The following EPS8 variants were observed in gnomAD, a reference collection of about 807,000 sequenced individuals.
EPS8 encodes EGFR pathway substrate 8, signaling adaptor.
In EPS8, 42 loss-of-function variants were observed where a neutral mutation model predicts 103.8. The observed-to-expected ratio is 0.40, with a 90% confidence interval of 0.32 to 0.52. The LOEUF (loss-of-function observed/expected upper bound fraction) is 0.52. Among genes scored for constraint, EPS8 ranks in the 20% least tolerant of loss-of-function variants. EPS8 has a pLI of 0.40. For missense variants in EPS8, 969 were observed against 1,005.1 expected (o/e 0.96, Z 0.49); for synonymous variants, 344 against 344.6 (o/e 1.00, Z 0.02).
At chr12:15,665,417 C>T (rs551135112) in intron 8 of EPS8, 18 of 235,070 alleles carry the variant, frequency 7.7e-5, no homozygotes, top group Admixed American at 2.9e-4. Flanking sequence ...CTGCAACCTC[C>T]GCCTCCCGGT....
chr12:15,728,521 C>T lies in EPS8; in HGVS notation c.-21-45549G>A, dbSNP rs1184882803. Among the ~76,000 whole-genome samples, 1 of 152,162 alleles carries T rather than the reference C, an allele frequency of 6.6e-6. No individual in the cohort carries two copies. Among genetic ancestry groups the T allele is most frequent in the Non-Finnish European group, 1.5e-5 (1 of 68,020 alleles). On this transcript the variant is annotated intron_variant, in intron 1 of 20. Transcript: ENST00000281172. The surrounding 1 kb of genome is among the most constrained non-coding windows in gnomAD (Gnocchi z 4.5). Reference sequence around the variant, plus strand: ...CAGCAACAATAATAAGGAACACTCTCCCGGGTGCTGAGTCATTAATAGAAT... The same window carrying T: ...CAGCAACAATAATAAGGAACACTCTTCCGGGTGCTGAGTCATTAATAGAAT...
chr12:15,687,875 C>T (rs1308953038), intron 1 of EPS8, among the ~76,000 whole-genome samples: 2 of 152,130 alleles, frequency 1.3e-5, no homozygotes, highest in African/African-American at 2.4e-5. Flanking sequence ...GGAAACTATG[C>T]TAATTTTAAA....
Position 15,624,257 on chromosome 12 carries a change from G to T in EPS8, c.2195C>A (p.Thr732Lys). 6.2e-7 allele frequency: 1 copy of T among 1,613,674 alleles called. No individual in the cohort carries two copies. The change falls in exon 19 of 21, where the codon ACG (threonine) becomes AAG (lysine). Residue 732 changes from threonine to lysine, a missense_variant. Transcript: ENST00000281172. Reference protein sequence around the residue: ...TYDSTPEDVKTWLQSKGFNPV... With the variant: ...TYDSTPEDVKKWLQSKGFNPV... The stretch of plus-strand genomic sequence containing the variant: ...GTTGAATCCCTTTGACTGTAACCAC[G>T]TCTTCACATCCTCTGGTGTGGAGTC...
At chr12:15,788,232 A>G (rs1349427984) in intron 1 of EPS8, among the ~76,000 whole-genome samples, 3 of 152,212 alleles carry the variant, frequency 2.0e-5, no homozygotes, top group African/African-American at 7.2e-5. Context: ...TCCCCTTACT[A>G]TCTAAGGCAA....
At position 15,767,313 on chromosome 12, in the gene EPS8, A is replaced by G. The variant is rs929616637; in HGVS notation, c.-22+21848T>C. On this transcript the variant is annotated intron_variant, in intron 1 of 20. Transcript: ENST00000281172. This position sits in a 1 kb window ranked among gnomAD's most constrained non-coding sequence, Gnocchi z 5.5. The stretch of plus-strand genomic sequence containing the variant: ...TCACAAATTATTTCTACAGAAGCAG[A>G]CTAGTTCTACTAAGGTCTAGTAACT... Among the ~76,000 whole-genome samples the G allele has an allele frequency of 1.3e-5, 2 of 152,234 alleles. No homozygotes were observed. The highest frequency in any genetic ancestry group is 4.8e-5 in the African/African-American group (2 of 41,452).
chr12:15,708,947 GCCTTAATTGTTTCATCAGCTTTCC>G (rs1946424673), intron 1 of EPS8, among the ~76,000 whole-genome samples: 1 of 152,176 alleles, frequency 6.6e-6, no homozygotes, highest in Non-Finnish European at 1.5e-5. Flanking sequence ...CTTAGCTGCA[GCCTTAATTGTTTCATCAGCTTTCC>G]CTGCTGGGGA....
Position 15,669,771 on chromosome 12 carries a change from C to T in EPS8, c.259G>A (p.Gly87Arg). 6.2e-7 allele frequency: 1 copy of T among 1,613,580 alleles called. No individual in the cohort carries two copies. Among genetic ancestry groups the T allele is most frequent in the Non-Finnish European group, 8.5e-7 (1 of 1,179,788 alleles). ...TCAAGCAATTTCAATTTCCTTATTC[C>T]ATCATCAACAGTGATCATAGCATCT... ...RKDAMITVDD[G>R]IRKLKLLDAK... The change falls in exon 5 of 21, where the codon GGA becomes AGA. Residue 87 changes from glycine to arginine, a missense_variant. Gly to Arg is a moderately radical substitution (Grantham distance 125). Coordinates refer to ENST00000281172, the MANE Select transcript of EPS8 (RefSeq NM_004447.6).
In EPS8 at chr12:15,779,696, T is replaced by C. The variant is rs563231017; in HGVS notation, c.-22+9465A>G. 1.3e-5 allele frequency among the ~76,000 whole-genome samples: 2 copies of C among 152,196 alleles called. No homozygotes were observed. The highest frequency in any genetic ancestry group is 3.8e-4 in the East Asian group (2 of 5,200). On this transcript the variant is annotated intron_variant, in intron 1 of 20. Transcript: ENST00000281172. The surrounding 1 kb of genome is among the most constrained non-coding windows in gnomAD (Gnocchi z 4.3). ...GTTTCTCCCTCATTTAAGTACAAAC[T>C]TCTCTTCCTTCTATCAATCTTTTTT...
In EPS8 at chr12:15,733,308, T is replaced by C. The variant is rs2135996357; in HGVS notation, c.-21-50336A>G. On this transcript the variant is annotated intron_variant, in intron 1 of 20. Transcript: ENST00000281172. The surrounding 1 kb of genome is among the most constrained non-coding windows in gnomAD (Gnocchi z 4.8). ...AGGGGACAGTGTGTGAAGGAGGAAC[T>C]GTCAAACACTTAATAAAACCATCAG... Among the ~76,000 whole-genome samples the C allele has an allele frequency of 6.6e-6, 1 of 152,230 alleles. No homozygotes were observed. Among genetic ancestry groups the C allele is most frequent in the East Asian group, 1.9e-4 (1 of 5,170 alleles).
At position 15,684,594 on chromosome 12, in the gene EPS8, T is replaced by A. The variant is rs1320929969; in HGVS notation, c.-21-1622A>T. Among the ~76,000 whole-genome samples the A allele has an allele frequency of 6.6e-6, 1 of 152,130 alleles. No individual in the cohort carries two copies. Among genetic ancestry groups the A allele is most frequent in the Non-Finnish European group, 1.5e-5 (1 of 68,024 alleles). ...TGTATTCTTAGGGAAACAAAGTTAA[T>A]TCATGTAAAACAAATAGTAAGGAAT... is the stretch of plus-strand genomic sequence containing the variant. On this transcript the variant is annotated intron_variant, in intron 1 of 20. Transcript: ENST00000281172. The surrounding 1 kb of genome is among the most constrained non-coding windows in gnomAD (Gnocchi z 4.9).
chr12:15,651,924 A>C, intron 13 of EPS8, among the ~76,000 whole-genome samples: 1 of 152,248 alleles, frequency 6.6e-6, no homozygotes, highest in Admixed American at 6.5e-5. Context: ...TTTCGTTTTG[A>C]TGTAGTTTTT....
intron 14 of EPS8, among the ~76,000 whole-genome samples, chr12:15,647,715 G>A (rs1357200713): frequency 6.6e-6 from 1 of 152,180 alleles, no homozygotes; most frequent in African/African-American, 2.4e-5. Flanking sequence ...TCCAGGATAA[G>A]AGAATGCTAG....
In EPS8 at chr12:15,701,542, A is replaced by G. The variant is rs1417427017; in HGVS notation, c.-21-18570T>C. Among the ~76,000 whole-genome samples, 1 of 152,198 alleles carries G rather than the reference A, an allele frequency of 6.6e-6. No individual in the cohort carries two copies. The highest frequency in any genetic ancestry group is 2.1e-4 in the South Asian group (1 of 4,826). On this transcript the variant is annotated intron_variant, in intron 1 of 20. Transcript: ENST00000281172. This position sits in a 1 kb window ranked among gnomAD's most constrained non-coding sequence, Gnocchi z 5.1. ...TGTATTAACATTTCACATCTACATA[A>G]TCCATGCCTGGATTCAGGTATGTCC...
intron 1 of EPS8, among the ~76,000 whole-genome samples, chr12:15,783,359 G>A (rs1285410993): frequency 6.6e-6 from 1 of 152,170 alleles, no homozygotes; most frequent in Non-Finnish European, 1.5e-5. Context: ...CCAGTCAACA[G>A]AAGGGTTACT....
intron 17 of EPS8, among the ~76,000 whole-genome samples, chr12:15,632,683 T>A (rs562899395): frequency 1.3e-5 from 2 of 152,352 alleles, no homozygotes; most frequent in Admixed American, 1.3e-4. Context: ...TTTTAAATTC[T>A]AAAATGGCCC....
chr12:15,654,446 G>C, intron 12 of EPS8, 153 bp from the exon 13 acceptor site: 2 of 702,902 alleles, frequency 2.8e-6, no homozygotes, highest in Non-Finnish European at 4.8e-6. Flanking sequence ...ATGAAGAAAA[G>C]CTTGTCAAAT....
rs1946299843 is a variant in EPS8, at chr12:15,700,648, AGT to A, written c.-21-17678_-21-17677del. On this transcript the variant is annotated intron_variant, in intron 1 of 20. Transcript: ENST00000281172. The surrounding 1 kb of genome is among the most constrained non-coding windows in gnomAD (Gnocchi z 5.1). Reference sequence around the variant, plus strand: ...AAAAACCAATGAAGGCACTGCTCTTAGTGTAGCCATGTATCAATGATGATTTT... The same window carrying A: ...AAAAACCAATGAAGGCACTGCTCTTAGTAGCCATGTATCAATGATGATTTT... Among the ~76,000 whole-genome samples the A allele has an allele frequency of 6.6e-6, 1 of 152,232 alleles. No individual in the cohort carries two copies. Among genetic ancestry groups the A allele is most frequent in the Non-Finnish European group, 1.5e-5 (1 of 68,028 alleles).
rs765517604 is a variant in EPS8, at chr12:15,669,542, A to G, written c.367-6T>C. 4.4e-6 allele frequency: 7 copies of G among 1,587,572 alleles called. No homozygotes were observed. The South Asian group carries it at 8.0e-5, about 18-fold the overall frequency. ...GGAAAATTCTCCAGTTCATTCTATA[A>G]ATAAAGTGAACATTTTATTTTGTCA... is the stretch of plus-strand genomic sequence containing the variant. On this transcript the variant is annotated splice_region_variant and splice_polypyrimidine_tract_variant and intron_variant, in intron 5 of 20. Transcript: ENST00000281172.
chr12:15,788,714 G>A (rs1947335479), intron 1 of EPS8, among the ~76,000 whole-genome samples: 1 of 152,194 alleles, frequency 6.6e-6, no homozygotes, highest in African/African-American at 2.4e-5. Context: ...CTGCCCTAAA[G>A]GGTCATTTTG....
Sources: gnomAD v4.1 joint callset for allele counts (sites outside exome capture counted in the v4.1 genomes callset) on GRCh38, gnomAD v4.1.1 for gene constraint, Gnocchi (gnomAD v3.1) non-coding constraint, MANE v1.5 for transcripts, NCBI Gene and HGNC (gene_info 2026-07-23, HGNC 2026-07-21) for gene names.